Variants in TRPC7 observed in about 807,000 individuals in gnomAD.
TRPC7 encodes the protein transient receptor potential cation channel subfamily C member 7.
TRPC7 carries 42 observed loss-of-function variants against 90.1 expected under a neutral mutation model. The ratio of observed to expected loss-of-function variants is 0.47; its 90% CI spans 0.36 to 0.60. The LOEUF is 0.60. Among genes scored for constraint, TRPC7 ranks in the 20% least tolerant of loss-of-function variants. TRPC7 has a pLI of 0.00. For synonymous variants in TRPC7, 451 were observed against 436.3 expected, an observed-to-expected ratio of 1.03 and a Z score of -0.42; for missense variants, 955 against 1,112.3, an observed-to-expected ratio of 0.86 and a Z score of 2.01.
In TRPC7 at chr5:136,239,761, T is replaced by A. The variant is rs572008848; in HGVS notation, c.1844+7710A>T. ...TCCCAGGCGATCTATCTAGCTCAGC[T>A]CCTTTTGTAGCTGCCTTTCTTTCAC... On this transcript the variant is annotated intron_variant, in intron 7 of 11. Coordinates refer to ENST00000513104, the MANE Select transcript of TRPC7 (RefSeq NM_020389.3). Among the ~76,000 whole-genome samples, 11 of 152,350 alleles carry A rather than the reference T, an allele frequency of 7.2e-5. No individual in the cohort carries two copies. The East Asian group carries it at 2.1e-3, about 29-fold the overall frequency.
chr5:136,320,077 G>A (rs1561717421), intron 2 of TRPC7, among the ~76,000 whole-genome samples: 2 of 151,410 alleles, frequency 1.3e-5, no homozygotes, highest in Non-Finnish European at 2.9e-5. Flanking sequence ...TGTCTAATAG[G>A]CATTTTGAAC....
At chr5:136,358,901 T>C (rs1479201902) in intron 1 of TRPC7, among the ~76,000 whole-genome samples, 1 of 152,264 alleles carries the variant, frequency 6.6e-6, no homozygotes, top group Non-Finnish European at 1.5e-5. Context: ...GTATCCGTTT[T>C]AAAGAGTAAG....
chr5:136,306,661 A>G (rs906649494), intron 3 of TRPC7, among the ~76,000 whole-genome samples: 1 of 152,190 alleles, frequency 6.6e-6, no homozygotes, highest in Admixed American at 6.5e-5. Context: ...CAAAAGAGGT[A>G]AAAATAATAT....
intron 3 of TRPC7, among the ~76,000 whole-genome samples, chr5:136,289,427 A>T (rs1248264704): frequency 2.0e-5 from 3 of 152,192 alleles, no homozygotes; most frequent in Non-Finnish European, 4.4e-5. Flanking sequence ...CACCTGGAAA[A>T]TCGGGTCACT....
chr5:136,228,879 C>A (rs1224703047), intron 8 of TRPC7, among the ~76,000 whole-genome samples: 1 of 152,170 alleles, frequency 6.6e-6, no homozygotes, highest in Non-Finnish European at 1.5e-5. Flanking sequence ...CATGTCGCGG[C>A]CCCTTTCCGT....
At position 136,226,199 on chromosome 5, in the gene TRPC7, AAAGT is replaced by A; in HGVS notation, c.2093_2096del (p.Tyr698LeufsTer13). 6.4e-7 allele frequency: 1 copy of A among 1,552,866 alleles called. No individual in the cohort carries two copies. Among genetic ancestry groups the A allele is most frequent in the Non-Finnish European group, 8.7e-7 (1 of 1,147,390 alleles). ...GAGCAGGTAGAGTTCTTCCTTCATC[AAAGT>A]AAGACAGCCAGAGTTTTGCTCGGGC... On this transcript the variant is annotated frameshift_variant, in exon 9 of 12. Transcript: ENST00000513104. LOFTEE classifies it high-confidence loss of function.
At chr5:136,327,072 G>A (rs1445397663) in intron 2 of TRPC7, among the ~76,000 whole-genome samples, 1 of 152,114 alleles carries the variant, frequency 6.6e-6, no homozygotes, top group African/African-American at 2.4e-5. Flanking sequence ...ATAGGCTCTC[G>A]ATGACTAAGG....
chr5:136,327,621 A>G (rs923241867), intron 2 of TRPC7, among the ~76,000 whole-genome samples: 2 of 152,216 alleles, frequency 1.3e-5, no homozygotes, highest in East Asian at 1.9e-4. Context: ...CTTCTGGAGA[A>G]TCACGTGCAG....
At chr5:136,360,186 A>G (rs1760524717) in intron 1 of TRPC7, among the ~76,000 whole-genome samples, 1 of 152,200 alleles carries the variant, frequency 6.6e-6, no homozygotes. Flanking sequence ...AGGAACACGT[A>G]AGTACTCAAT....
chr5:136,356,678 T>C lies in TRPC7; in HGVS notation c.710A>G (p.Asp237Gly), dbSNP rs1167936202. The C allele has an allele frequency of 1.2e-6, 2 of 1,600,754 alleles. No individual in the cohort carries two copies. ...GAGCTCCAGGGCGGTGAGGACAGGG[T>C]CTTCGCTGGACAGGGACAAGTAGGC... ...SAAYLSLSSE[D>G]PVLTALELSN... Residue 237 changes from aspartate to glycine, a missense_variant, in exon 2 of 12, where the codon GAC becomes GGC. Physicochemically the swap from Asp to Gly is moderately conservative, Grantham distance 94. This residue lies in a region of TRPC7 where 484 missense variants were observed against 509.6 expected (regional missense o/e 0.95). Transcript: ENST00000513104.
chr5:136,248,047 A>G (rs1258903228), intron 6 of TRPC7, among the ~76,000 whole-genome samples: 1 of 152,126 alleles, frequency 6.6e-6, no homozygotes, highest in African/African-American at 2.4e-5. Context: ...GCAGGTTCCC[A>G]GTTTCCGTCT....
At chr5:136,326,920 T>C (rs377444885) in intron 2 of TRPC7, among the ~76,000 whole-genome samples, 2 of 151,970 alleles carry the variant, frequency 1.3e-5, no homozygotes, top group South Asian at 4.2e-4. Context: ...AGTTCTGAGG[T>C]TAGAAGACCT....
chr5:136,222,863 T>G (rs1755504466), intron 10 of TRPC7, among the ~76,000 whole-genome samples: 1 of 152,162 alleles, frequency 6.6e-6, no homozygotes, highest in South Asian at 2.1e-4. Context: ...CCCTCATCTG[T>G]TACATGGGGT....
chr5:136,301,038 C>T (rs13189315), intron 3 of TRPC7, among the ~76,000 whole-genome samples: 18,313 of 151,962 alleles, frequency 0.12, 1,143 homozygotes, highest in African/African-American at 0.14. Context: ...AGGCATTTTT[C>T]TTTTTTCTGA....
intron 5 of TRPC7, 145 bp from the exon 6 acceptor site, chr5:136,252,027 G>T: frequency 1.5e-6 from 1 of 666,542 alleles, no homozygotes; most frequent in South Asian, 1.9e-5. Context: ...AGACAGAAAC[G>T]TGTTTTCAAA....
Position 136,277,428 on chromosome 5 carries a change from G to A in TRPC7, c.964-2591C>T, listed in dbSNP as rs139562363. ...CTGTGGATAGCTGAAGCCCAAATTG[G>A]TGTTTACCTCTATCTGGGAACCTTT... On this transcript the variant is annotated intron_variant, in intron 3 of 11. Transcript: ENST00000513104. Among the ~76,000 whole-genome samples the A allele has an allele frequency of 3.7e-4, 56 of 152,328 alleles. No homozygotes were observed. In the East Asian group the frequency reaches 8.5e-3, roughly 23 times the overall value.
intron 3 of TRPC7, among the ~76,000 whole-genome samples, chr5:136,299,788 A>T (rs1341850096): frequency 6.6e-6 from 1 of 152,218 alleles, no homozygotes; most frequent in Admixed American, 6.5e-5. Flanking sequence ...TAAAAGTGAC[A>T]ATTTGAAGAT....
intron 2 of TRPC7, among the ~76,000 whole-genome samples, chr5:136,352,262 G>A (rs1197839004): frequency 6.6e-6 from 1 of 152,026 alleles, no homozygotes; most frequent in Admixed American, 6.6e-5. Flanking sequence ...ATATTCCCTT[G>A]TCATCCTTTC....
At chr5:136,253,287 T>A (rs1199492969) in intron 5 of TRPC7, among the ~76,000 whole-genome samples, 2 of 152,204 alleles carry the variant, frequency 1.3e-5, no homozygotes, top group Non-Finnish European at 2.9e-5. Context: ...TACCTTCACA[T>A]TTACTGATTA....
Sources: allele counts gnomAD v4.1 joint callset (sites outside exome capture counted in the v4.1 genomes callset), GRCh38; gene constraint gnomAD v4.1.1; regional missense constraint gnomAD v4.1.1; transcripts MANE v1.5; gene names NCBI Gene and HGNC (gene_info 2026-07-23, HGNC 2026-07-21).